TAF4B: variants seen among roughly 807,000 people sequenced by gnomAD.
TAF4B encodes the protein TATA-box binding protein associated factor 4b, also known as transcription initiation factor TFIID subunit 4B.
In TAF4B, 38 loss-of-function variants were observed where a neutral mutation model predicts 86.4. The ratio of observed to expected loss-of-function variants is 0.44; its 90% CI spans 0.34 to 0.58. The LOEUF is 0.58. Among genes scored for constraint, TAF4B ranks in the 20% least tolerant of loss-of-function variants. The pLI, the probability that TAF4B is intolerant of heterozygous loss-of-function variation, is 0.02. For missense variants in TAF4B, 988 were observed against 1,027.6 expected, an observed-to-expected ratio of 0.96 and a Z score of 0.53; for synonymous variants, 388 against 391.2, an observed-to-expected ratio of 0.99 and a Z score of 0.10.
chr18:26,374,417 T>C (rs937070894), intron 14 of TAF4B, among the ~76,000 whole-genome samples: 2 of 152,186 alleles, frequency 1.3e-5, no homozygotes, highest in African/African-American at 4.8e-5. Flanking sequence ...GGACCAGTTA[T>C]ATTGTTATTA....
chr18:26,263,776 C>G (rs1310305324), intron 1 of TAF4B, among the ~76,000 whole-genome samples: 4 of 151,120 alleles, frequency 2.6e-5, no homozygotes, highest in Admixed American at 2.6e-4. Flanking sequence ...AGTGTAGATG[C>G]GATCATAGCT....
At chr18:26,243,792 T>C (rs2144474217) in intron 1 of TAF4B, among the ~76,000 whole-genome samples, 1 of 152,316 alleles carries the variant, frequency 6.6e-6, no homozygotes, top group East Asian at 1.9e-4. Flanking sequence ...CTGTTAGTTT[T>C]CCTTCTAACA....
intron 13 of TAF4B, among the ~76,000 whole-genome samples, chr18:26,341,280 A>C (rs150229318): frequency 6.6e-6 from 1 of 152,278 alleles, no homozygotes; most frequent in Non-Finnish European, 1.5e-5. Context: ...GGCATAAAAG[A>C]AAAAACCAGT....
chr18:26,255,807 A>G, intron 1 of TAF4B: 1 of 1,472,790 alleles, frequency 6.8e-7, no homozygotes, highest in Non-Finnish European at 9.5e-7. Flanking sequence ...GTCAATGAGA[A>G]CTTCCCCAAA....
At chr18:26,356,888 C>CATAGT (rs1429017430) in intron 13 of TAF4B, among the ~76,000 whole-genome samples, 1 of 150,834 alleles carries the variant, frequency 6.6e-6, no homozygotes, top group East Asian at 1.9e-4. Flanking sequence ...ATCTTTCATG[C>CATAGT]ATACCCCTGT....
In TAF4B at chr18:26,226,575, G is replaced by C. The variant is rs550811682; in HGVS notation, c.-359G>C. On this transcript the variant is annotated 5_prime_UTR_variant, in exon 1 of 15. Transcript: ENST00000269142. ...GGAGCAGCTGCGCAGTTAGGCTCGA[G>C]GTGTGAGCGACGACCTTCCGGGAGC... The C allele has an allele frequency of 1.6e-3, 315 of 197,940 alleles. 2 individuals carry two copies. Among genetic ancestry groups the C allele is most frequent in the African/African-American group, 7.0e-3 (304 of 43,398 alleles). 12.3% of individuals were successfully genotyped at this position (197,940 alleles called of 1,614,324 possible).
chr18:26,293,745 C>T lies in TAF4B; in HGVS notation c.1832+214C>T, dbSNP rs371387759. Among the ~76,000 whole-genome samples the T allele has an allele frequency of 4.0e-4, 61 of 152,264 alleles. No individual in the cohort carries two copies. In the South Asian group the frequency reaches 0.013, roughly 32 times the overall value. On this transcript the variant is annotated intron_variant, in intron 9 of 14. Coordinates refer to ENST00000269142, the MANE Select transcript of TAF4B (RefSeq NM_005640.3). ...CAAATATATATACCTGTGTAATCAT[C>T]ATGCCGATCAAGATACTGAACATAT...
intron 3 of TAF4B, among the ~76,000 whole-genome samples, chr18:26,273,780 A>G (rs2056349572): frequency 6.6e-6 from 1 of 152,194 alleles, no homozygotes; most frequent in Admixed American, 6.5e-5. Flanking sequence ...GTACATTCAA[A>G]TTCACCTATC....
chr18:26,274,398 G>A (rs1410982134), intron 3 of TAF4B, among the ~76,000 whole-genome samples: 4 of 152,160 alleles, frequency 2.6e-5, no homozygotes, highest in Non-Finnish European at 4.4e-5. Context: ...TATTTTTGCA[G>A]AGAGTAATCA....
At chr18:26,285,222 G>GTTTTTTTTTTTGTTTTTT (rs1555677501) in intron 6 of TAF4B, among the ~76,000 whole-genome samples, 1 of 45,692 alleles carries the variant, frequency 2.2e-5, no homozygotes, top group African/African-American at 6.3e-5. Context: ...TTTTTTTTTT[G>GTTTTTTTTTTTGTTTTTT]TTTTTTTTTT....
chr18:26,315,155 T>TCACACACACACACA (rs1484111730), intron 9 of TAF4B, 74 bp from the exon 10 acceptor site: 99 of 465,846 alleles, frequency 2.1e-4, no homozygotes, highest in African/African-American at 3.0e-4. Flanking sequence ...TGTCTCTCTC[T>TCACACACACACACA]CTCTCTCACA....
At chr18:26,280,378 A>G (rs2144580300) in intron 5 of TAF4B, among the ~76,000 whole-genome samples, 1 of 152,296 alleles carries the variant, frequency 6.6e-6, no homozygotes, top group South Asian at 2.1e-4. Context: ...TAAACAGACC[A>G]CCTACAGAAT....
In TAF4B at chr18:26,388,879, G is replaced by A. The variant is rs933386808; in HGVS notation, c.2422-966G>A. 4.6e-5 allele frequency among the ~76,000 whole-genome samples: 7 copies of A among 152,214 alleles called. No individual in the cohort carries two copies. The East Asian group carries it at 1.2e-3, about 25-fold the overall frequency. On this transcript the variant is annotated intron_variant, in intron 14 of 14. Coordinates refer to ENST00000269142, the MANE Select transcript of TAF4B (RefSeq NM_005640.3). ...TGCCCAGGCAGGAATGCAGTGGCGCGATCTCAGCTCACTGCAACCTCCGCC... is the reference window on the plus strand; with the variant it reads ...TGCCCAGGCAGGAATGCAGTGGCGCAATCTCAGCTCACTGCAACCTCCGCC...
intron 7 of TAF4B, among the ~76,000 whole-genome samples, chr18:26,287,245 C>G (rs1188522284): frequency 1.3e-5 from 2 of 152,094 alleles, no homozygotes; most frequent in Admixed American, 6.5e-5. Flanking sequence ...CTCAACTGTT[C>G]CTCTCGACTT....
chr18:26,271,496 A>G (rs2056318540), intron 3 of TAF4B, among the ~76,000 whole-genome samples: 1 of 152,206 alleles, frequency 6.6e-6, no homozygotes, highest in South Asian at 2.1e-4. Context: ...GTTTTCACAC[A>G]TTTATTTCAC....
intron 14 of TAF4B, among the ~76,000 whole-genome samples, chr18:26,367,588 C>T (rs371620505): frequency 1.2e-4 from 19 of 152,326 alleles, no homozygotes; most frequent in African/African-American, 4.6e-4. Context: ...GATTCAAATG[C>T]TAATCTCTTC....
chr18:26,234,109 C>G (rs1205269352), intron 1 of TAF4B, among the ~76,000 whole-genome samples: 3 of 148,548 alleles, frequency 2.0e-5, no homozygotes, highest in Non-Finnish European at 4.4e-5. Context: ...GAAAAATATG[C>G]CCCCGTGAAA....
chr18:26,283,542 G>A (rs939382957), intron 6 of TAF4B, among the ~76,000 whole-genome samples: 1 of 152,080 alleles, frequency 6.6e-6, no homozygotes, highest in Non-Finnish European at 1.5e-5. Flanking sequence ...TAGAGCACAG[G>A]CAGAGTAGAT....
intron 13 of TAF4B, among the ~76,000 whole-genome samples, chr18:26,353,931 G>C (rs2057265829): frequency 6.6e-6 from 1 of 152,132 alleles, no homozygotes; most frequent in Non-Finnish European, 1.5e-5. Context: ...TGGACTCCAA[G>C]TCATGTTCTC....
Sources: gnomAD v4.1 joint callset for allele counts (sites outside exome capture counted in the v4.1 genomes callset) on GRCh38, gnomAD v4.1.1 for gene constraint, MANE v1.5 for transcripts, NCBI Gene and HGNC (gene_info 2026-07-23, HGNC 2026-07-21) for gene names.